Variants in PAPPA observed in about 807,000 individuals in gnomAD.
The protein encoded by PAPPA is pappalysin-1.
Under a neutral mutation model 164.0 loss-of-function variants are expected in PAPPA, and 60 were observed. The ratio of observed to expected loss-of-function variants is 0.37; its 90% confidence interval spans 0.30 to 0.45. The LOEUF (loss-of-function observed/expected upper bound fraction) is 0.45. PAPPA is among the 20% of genes least tolerant of loss of function. The probability of loss-of-function intolerance (pLI) is 1.00; values close to 1 mark genes in which losing one functional copy is unlikely to be tolerated. For synonymous variants in PAPPA, 875 were observed against 814.1 expected, an observed-to-expected ratio of 1.07 and a Z score of -1.27; for missense variants, 1,782 against 2,087.3, an observed-to-expected ratio of 0.85 and a Z score of 2.85.
chr9:116,159,539 G>A (rs1310698183), intron 1 of PAPPA, among the ~76,000 whole-genome samples: 1 of 152,152 alleles, frequency 6.6e-6, no homozygotes. Context: ...GCCAAAGGAG[G>A]CCCAGAACCA....
chr9:116,208,801 GT>G (rs1250659188), intron 3 of PAPPA, among the ~76,000 whole-genome samples: 1 of 151,990 alleles, frequency 6.6e-6, no homozygotes, highest in African/African-American at 2.4e-5. Context: ...TTTCTCAATT[GT>G]TTTTTAGAGA....
intron 11 of PAPPA, 103 bp from the exon 12 acceptor site, chr9:116,332,230 G>A (rs1846002008): frequency 1.0e-6 from 1 of 976,150 alleles, no homozygotes; most frequent in Admixed American, 2.0e-5. Flanking sequence ...TAGTAGCCCA[G>A]TTCTTAAAAA....
chr9:116,183,858 A>G (rs1302150132), intron 1 of PAPPA, among the ~76,000 whole-genome samples: 1 of 152,142 alleles, frequency 6.6e-6, no homozygotes, highest in Non-Finnish European at 1.5e-5. Context: ...AACTGCAAAC[A>G]GAGGTGGCCT....
intron 3 of PAPPA, among the ~76,000 whole-genome samples, chr9:116,210,189 C>T (rs1248083623): frequency 6.6e-6 from 1 of 152,164 alleles, no homozygotes; most frequent in African/African-American, 2.4e-5. Flanking sequence ...TGAATGTGCA[C>T]ACCCGCACAC....
chr9:116,392,886 A>G (rs1050253743), intron 21 of PAPPA, among the ~76,000 whole-genome samples: 3 of 152,232 alleles, frequency 2.0e-5, no homozygotes, highest in Non-Finnish European at 2.9e-5. Flanking sequence ...CAGTTTCTGT[A>G]TAAAGTCTAC....
chr9:116,306,746 C>T (rs1845651582), intron 10 of PAPPA, among the ~76,000 whole-genome samples: 1 of 152,186 alleles, frequency 6.6e-6, no homozygotes, highest in African/African-American at 2.4e-5. Context: ...TTCTCTAATG[C>T]TTTACACAAA....
intron 1 of PAPPA, among the ~76,000 whole-genome samples, chr9:116,155,071 A>G (rs1006876807): frequency 1.3e-5 from 2 of 152,212 alleles, no homozygotes; most frequent in African/African-American, 2.4e-5. Flanking sequence ...TGTAATGGCC[A>G]GGACTTAGAA....
intron 7 of PAPPA, among the ~76,000 whole-genome samples, chr9:116,236,353 G>A (rs1844665929): frequency 6.6e-6 from 1 of 152,042 alleles, no homozygotes; most frequent in Admixed American, 6.6e-5. Flanking sequence ...GGGAGGCCGA[G>A]GCAGGCGGGT....
intron 7 of PAPPA, among the ~76,000 whole-genome samples, chr9:116,253,770 C>T (rs923069262): frequency 5.3e-5 from 8 of 152,110 alleles, no homozygotes; most frequent in East Asian, 1.9e-4. Context: ...ACAGCTCCAA[C>T]GCCATTCAGT....
chr9:116,291,549 T>G (rs1845436172), intron 9 of PAPPA, among the ~76,000 whole-genome samples: 1 of 152,204 alleles, frequency 6.6e-6, no homozygotes, highest in African/African-American at 2.4e-5. Context: ...CTTTGTTAAT[T>G]CATCATTTAC....
At chr9:116,344,112 T>C (rs1165001525) in intron 13 of PAPPA, among the ~76,000 whole-genome samples, 1 of 152,190 alleles carries the variant, frequency 6.6e-6, no homozygotes, top group East Asian at 1.9e-4. Flanking sequence ...AGTTCTGCTA[T>C]GCGTTTTTTT....
At chr9:116,392,482 A>G (rs775359062) in intron 21 of PAPPA, among the ~76,000 whole-genome samples, 1 of 152,150 alleles carries the variant, frequency 6.6e-6, no homozygotes, top group Non-Finnish European at 1.5e-5. Flanking sequence ...GCATATAGAA[A>G]TCATCTGGCA....
Position 116,154,373 on chromosome 9 carries a change from T to A in PAPPA, c.201T>A (p.Gly67=). The change falls in exon 1 of 22, where the codon GGT becomes GGA. Residue 67 remains glycine, a synonymous_variant. Transcript: ENST00000328252. The surrounding 1 kb of genome is among the most constrained non-coding windows in gnomAD (Gnocchi z 5.2). ...ASPPPPPPPG[G]AWEAVRVPRR... ...CGCCGCCGCCGCCGCCGCCGGGCGGTGCCTGGGAAGCCGTGCGCGTCCCCC... is the reference window on the plus strand; with the variant it reads ...CGCCGCCGCCGCCGCCGCCGGGCGGAGCCTGGGAAGCCGTGCGCGTCCCCC... The A allele has an allele frequency of 7.0e-5, 70 of 1,002,052 alleles. No individual in the cohort carries two copies. The highest frequency in any genetic ancestry group is 8.7e-5 in the Non-Finnish European group (70 of 800,426). 62.1% of individuals were successfully genotyped at this position (1,002,052 alleles called of 1,614,324 possible). A position where few individuals can be genotyped will look rare whatever the true frequency, so the allele number is the denominator to read the frequency against.
chr9:116,270,723 C>A (rs765335425), intron 8 of PAPPA, among the ~76,000 whole-genome samples: 1 of 152,090 alleles, frequency 6.6e-6, no homozygotes, highest in Non-Finnish European at 1.5e-5. Context: ...ACAAAGGGGG[C>A]ATTAGTATTT....
rs368364072 is a variant in PAPPA at position 116,394,665 on chromosome 9, A to G, written c.4777-1844A>G. On this transcript the variant is annotated intron_variant, in intron 21 of 21. Coordinates refer to ENST00000328252, the MANE Select transcript of PAPPA (RefSeq NM_002581.5). ...TTCTAGATTCTAGATGGAATATCCT[A>G]GATGTATTCCACAAAGTCACAGAGG... 1.8e-4 allele frequency among the ~76,000 whole-genome samples: 27 copies of G among 152,354 alleles called. No individual in the cohort carries two copies. In the East Asian group the frequency reaches 3.9e-3, roughly 22 times the overall value.
At chr9:116,205,352 T>G (rs1844220386) in intron 2 of PAPPA, among the ~76,000 whole-genome samples, 1 of 152,232 alleles carries the variant, frequency 6.6e-6, no homozygotes, top group African/African-American at 2.4e-5. Context: ...TTTTCTCTCT[T>G]GAAGCTTTCT....
At chr9:116,361,033 A>G (rs1410587970) in intron 17 of PAPPA, among the ~76,000 whole-genome samples, 1 of 152,196 alleles carries the variant, frequency 6.6e-6, no homozygotes. Context: ...GTGAGCATGA[A>G]AGCACAACAT....
At position 116,367,639 on chromosome 9, in the gene PAPPA, C is replaced by A; in HGVS notation, c.4496-6C>A. 6.2e-7 allele frequency: 1 copy of A among 1,609,706 alleles called. No homozygotes were observed. Among genetic ancestry groups the A allele is most frequent in the Non-Finnish European group, 8.5e-7 (1 of 1,176,438 alleles). ...TGAGCTGCGCCTCATGCTGTACTTC[C>A]CTCAGGGTCGGAGTGTGCCACCTCG... On this transcript the variant is annotated splice_region_variant and splice_polypyrimidine_tract_variant and intron_variant, in intron 18 of 21. Coordinates refer to ENST00000328252, the MANE Select transcript of PAPPA (RefSeq NM_002581.5).
At chr9:116,231,146 A>G (rs1187636240) in intron 6 of PAPPA, among the ~76,000 whole-genome samples, 1 of 152,168 alleles carries the variant, frequency 6.6e-6, no homozygotes, top group Non-Finnish European at 1.5e-5. Flanking sequence ...CAGCATGATT[A>G]TGTATAAATA....
Sources: allele counts gnomAD v4.1 joint callset (sites outside exome capture counted in the v4.1 genomes callset), GRCh38; gene constraint gnomAD v4.1.1; non-coding constraint Gnocchi (gnomAD v3.1); transcripts MANE v1.5; gene names NCBI Gene and HGNC (gene_info 2026-07-23, HGNC 2026-07-21).